Variants in KCTD8 observed in about 807,000 individuals in gnomAD.
KCTD8 encodes potassium channel tetramerization domain containing 8.
KCTD8 carries 27 observed loss-of-function variants against 31.5 expected under a neutral mutation model. The ratio of observed to expected loss-of-function variants is 0.86; its 90% CI spans 0.63 to 1.18. The LOEUF (loss-of-function observed/expected upper bound fraction) is 1.18, where lower values mean the gene tolerates loss of function less well. Ranked by LOEUF, KCTD8 falls within the 50% of genes most tolerant of loss-of-function variation. The pLI is 0.00. For synonymous variants in KCTD8, 290 were observed against 280.0 expected (o/e 1.04, Z -0.36); for missense variants, 658 against 647.7 (o/e 1.02, Z -0.17).
intron 1 of KCTD8, among the ~76,000 whole-genome samples, chr4:44,236,378 T>C (rs542522973): frequency 2.3e-4 from 35 of 152,202 alleles, no homozygotes; most frequent in African/African-American, 8.2e-4. Flanking sequence ...CAGTGCATAG[T>C]GGTTGTGGCA....
At chr4:44,417,484 C>T (rs942602939) in intron 1 of KCTD8, among the ~76,000 whole-genome samples, 1 of 150,796 alleles carries the variant, frequency 6.6e-6, no homozygotes, top group African/African-American at 2.4e-5. Context: ...GAACTTGCCA[C>T]ACTCTTTTTA....
Position 44,447,886 on chromosome 4 carries a change from T to C in KCTD8, c.638A>G (p.Tyr213Cys). The C allele has an allele frequency of 6.5e-7, 1 of 1,537,976 alleles. No individual in the cohort carries two copies. Among genetic ancestry groups the C allele is most frequent in the Non-Finnish European group, 8.8e-7 (1 of 1,139,346 alleles). ...DKRSGFLTLG[Y>C]RGSYTTVRDN... is the part of the protein sequence containing the mutation. ...GCGCACGGTGGTGTAGGAGCCCCGGTAGCCCAGCGTGAGGAAGCCCGAGCG... is the reference window on the plus strand; with the variant it reads ...GCGCACGGTGGTGTAGGAGCCCCGGCAGCCCAGCGTGAGGAAGCCCGAGCG... The change falls in exon 1 of 2, where the codon TAC becomes TGC. Residue 213 changes from tyrosine (Y) to cysteine (C), a missense_variant. Transcript: ENST00000360029.
Position 44,374,013 on chromosome 4 carries a change from G to A in KCTD8, c.961+73550C>T, listed in dbSNP as rs1050639613. The stretch of plus-strand genomic sequence containing the variant: ...CTTTAGAACACAAAACAGTTTAGGC[G>A]ACTACATAAGCAAGATAAGGGAAGA... On this transcript the variant is annotated intron_variant, in intron 1 of 1. Transcript: ENST00000360029. Among the ~76,000 whole-genome samples, 8 of 151,972 alleles carry A rather than the reference G, an allele frequency of 5.3e-5. No homozygotes were observed. In the East Asian group the frequency reaches 5.8e-4, roughly 11 times the overall value.
At chr4:44,189,609 A>G (rs1340964500) in intron 1 of KCTD8, among the ~76,000 whole-genome samples, 1 of 152,036 alleles carries the variant, frequency 6.6e-6, no homozygotes, top group Non-Finnish European at 1.5e-5. Flanking sequence ...TTCTACAAAC[A>G]TTCAAACATA....
intron 1 of KCTD8, among the ~76,000 whole-genome samples, chr4:44,445,770 G>C (rs971430235): frequency 7.9e-5 from 12 of 152,022 alleles, no homozygotes; most frequent in African/African-American, 2.9e-4. Flanking sequence ...AAAGGCAAAA[G>C]TTCATTTTAC....
chr4:44,301,354 T>C (rs1248005456), intron 1 of KCTD8, among the ~76,000 whole-genome samples: 1 of 152,168 alleles, frequency 6.6e-6, no homozygotes, highest in Non-Finnish European at 1.5e-5. Flanking sequence ...GTGTTCCTAG[T>C]TCTCCACATC....
chr4:44,218,625 T>TA (rs1714720020), intron 1 of KCTD8, among the ~76,000 whole-genome samples: 1 of 142,708 alleles, frequency 7.0e-6, no homozygotes, highest in East Asian at 2.1e-4. Flanking sequence ...TCACAAAAAT[T>TA]AAAAAATAAA....
chr4:44,414,179 A>G (rs1721020387), intron 1 of KCTD8, among the ~76,000 whole-genome samples: 1 of 151,424 alleles, frequency 6.6e-6, no homozygotes, highest in African/African-American at 2.5e-5. Flanking sequence ...AAACTAGTAT[A>G]CTGATCTTCA....
chr4:44,381,023 C>T (rs1720050584), intron 1 of KCTD8, among the ~76,000 whole-genome samples: 1 of 151,884 alleles, frequency 6.6e-6, no homozygotes, highest in Non-Finnish European at 1.5e-5. Context: ...TAATGTCTAC[C>T]TCAGCTATCT....
chr4:44,436,985 T>C (rs1265660250), intron 1 of KCTD8, among the ~76,000 whole-genome samples: 1 of 151,774 alleles, frequency 6.6e-6, no homozygotes, highest in Non-Finnish European at 1.5e-5. Flanking sequence ...ACCCTAAATA[T>C]TACATTACTC....
intron 1 of KCTD8, among the ~76,000 whole-genome samples, chr4:44,317,436 T>TCA (rs1718168975): frequency 6.8e-6 from 1 of 146,716 alleles, no homozygotes; most frequent in South Asian, 2.2e-4. Flanking sequence ...AGACGGGGTT[T>TCA]CACCTTGTTA....
intron 1 of KCTD8, among the ~76,000 whole-genome samples, chr4:44,202,097 T>G (rs1714167178): frequency 1.3e-5 from 2 of 152,126 alleles, no homozygotes; most frequent in South Asian, 2.1e-4. Flanking sequence ...AGATACAGTC[T>G]TATATTAGTC....
chr4:44,420,031 CCAAGA>C, intron 1 of KCTD8, among the ~76,000 whole-genome samples: 1 of 151,800 alleles, frequency 6.6e-6, no homozygotes, highest in East Asian at 1.9e-4. Flanking sequence ...GAGGACCAAG[CCAAGA>C]CATCTCAGAA....
intron 1 of KCTD8, among the ~76,000 whole-genome samples, chr4:44,317,228 C>CTTTTTTTTT (rs760060899): frequency 0.1 from 3,724 of 36,432 alleles, 1,041 homozygotes; most frequent in Middle Eastern, 0.12. Flanking sequence ...TGGGTGCTTT[C>CTTTTTTTTT]TTTTTTTTTT....
intron 1 of KCTD8, among the ~76,000 whole-genome samples, chr4:44,346,906 A>G (rs1275202940): frequency 6.6e-6 from 1 of 152,234 alleles, no homozygotes; most frequent in African/African-American, 2.4e-5. Context: ...GGAGAGAAAA[A>G]GACTACTAAG....
chr4:44,293,641 T>C (rs1023035471), intron 1 of KCTD8, among the ~76,000 whole-genome samples: 1 of 151,994 alleles, frequency 6.6e-6, no homozygotes, highest in African/African-American at 2.4e-5. Context: ...AGGAATCTGG[T>C]GAGTTAGGTT....
intron 1 of KCTD8, among the ~76,000 whole-genome samples, chr4:44,313,358 T>C (rs1718010056): frequency 6.6e-6 from 1 of 152,200 alleles, no homozygotes; most frequent in Non-Finnish European, 1.5e-5. Context: ...AATAGCCATA[T>C]GGTCTTGTGG....
At chr4:44,329,056 A>G (rs1234549784) in intron 1 of KCTD8, among the ~76,000 whole-genome samples, 3 of 151,936 alleles carry the variant, frequency 2.0e-5, no homozygotes, top group African/African-American at 4.8e-5. Context: ...GTTAGGCACC[A>G]TAAGAAGAGG....
In KCTD8 at chr4:44,448,692, C is replaced by T. The variant is rs899940549; in HGVS notation, c.-169G>A. The T allele has an allele frequency of 3.6e-5, 22 of 613,174 alleles. No homozygotes were observed. The highest frequency in any genetic ancestry group is 5.2e-5 in the Non-Finnish European group (22 of 422,616). 38.0% of individuals were successfully genotyped at this position (613,174 alleles called of 1,614,324 possible). A position where few individuals can be genotyped will look rare whatever the true frequency, so the allele number is the denominator to read the frequency against. ...GGGTTCGGGGCAGCGGCGGCGTCGG[C>T]GGCGCCCGAGCTCCATCGGAGGAGA... On this transcript the variant is annotated 5_prime_UTR_variant, in exon 1 of 2. Transcript: ENST00000360029. This position sits in a 1 kb window ranked among gnomAD's most constrained non-coding sequence, Gnocchi z 4.1.
Sources: gnomAD v4.1 joint callset for allele counts (sites outside exome capture counted in the v4.1 genomes callset) on GRCh38, gnomAD v4.1.1 for gene constraint, Gnocchi (gnomAD v3.1) non-coding constraint, MANE v1.5 for transcripts, NCBI Gene and HGNC (gene_info 2026-07-23, HGNC 2026-07-21) for gene names.